CNTNAP2: variants seen among roughly 807,000 people sequenced by gnomAD.
CNTNAP2 encodes the protein contactin-associated protein-like 2.
In CNTNAP2, 98 loss-of-function variants were observed where a neutral mutation model predicts 155.2. The observed-to-expected ratio is 0.63, with a 90% CI of 0.54 to 0.75. The LOEUF is 0.75. CNTNAP2 is among the 30% of genes least tolerant of loss of function. The probability of loss-of-function intolerance (pLI) is 0.00; values close to 1 mark genes in which losing one functional copy is unlikely to be tolerated. For synonymous variants in CNTNAP2, 651 were observed against 631.2 expected, an observed-to-expected ratio of 1.03 and a Z score of -0.47; for missense variants, 1,727 against 1,688.1, an observed-to-expected ratio of 1.02 and a Z score of -0.40.
chr7:147,833,037 A>G (rs1182382073), intron 13 of CNTNAP2, among the ~76,000 whole-genome samples: 1 of 151,058 alleles, frequency 6.6e-6, no homozygotes, highest in Non-Finnish European at 1.5e-5. Context: ...AAAATTTATA[A>G]TCAAGCTGAA....
chr7:147,298,151 A>C (rs1201897434), intron 8 of CNTNAP2, among the ~76,000 whole-genome samples: 1 of 152,144 alleles, frequency 6.6e-6, no homozygotes, highest in African/African-American at 2.4e-5. Context: ...CTCAGTGGCC[A>C]GGCGCAGTGG....
At chr7:147,551,439 G>T (rs538506549) in intron 11 of CNTNAP2, among the ~76,000 whole-genome samples, 2 of 152,032 alleles carry the variant, frequency 1.3e-5, no homozygotes, top group African/African-American at 4.8e-5. Context: ...CTACTGAAGG[G>T]GCTTACTTTG....
chr7:148,332,517 A>G (rs1009678111), intron 21 of CNTNAP2, among the ~76,000 whole-genome samples: 3 of 152,332 alleles, frequency 2.0e-5, no homozygotes, highest in Middle Eastern at 3.4e-3. Context: ...ATCTTGACCC[A>G]GAGCGTGGCC....
At chr7:147,103,961 G>A (rs1199757685) in intron 4 of CNTNAP2, among the ~76,000 whole-genome samples, 1 of 152,000 alleles carries the variant, frequency 6.6e-6, no homozygotes, top group Admixed American at 6.6e-5. Context: ...GAAGTGACTA[G>A]GGAGGCATCA....
At chr7:147,399,680 T>C (rs1225853438) in intron 10 of CNTNAP2, among the ~76,000 whole-genome samples, 2 of 152,164 alleles carry the variant, frequency 1.3e-5, no homozygotes, top group African/African-American at 4.8e-5. Flanking sequence ...TAAGTAGAAA[T>C]GTCAGGAAGA....
chr7:147,101,646 G>A (rs746960899), intron 4 of CNTNAP2, among the ~76,000 whole-genome samples: 3 of 152,136 alleles, frequency 2.0e-5, no homozygotes, highest in African/African-American at 7.2e-5. Flanking sequence ...CAGCGGGATG[G>A]ATGGGGAGCT....
intron 15 of CNTNAP2, among the ~76,000 whole-genome samples, chr7:148,033,988 G>A (rs891420287): frequency 1.3e-5 from 2 of 151,988 alleles, no homozygotes; most frequent in South Asian, 2.1e-4. Flanking sequence ...GACAGAGGCA[G>A]GAAAAAGAAA....
At chr7:146,582,997 C>A (rs1317461188) in intron 1 of CNTNAP2, among the ~76,000 whole-genome samples, 1 of 151,300 alleles carries the variant, frequency 6.6e-6, no homozygotes, top group Admixed American at 6.6e-5. Flanking sequence ...AACACTATGG[C>A]ATTTTGTTCC....
At chr7:146,823,327 T>G (rs191488034) in intron 2 of CNTNAP2, among the ~76,000 whole-genome samples, 1 of 147,740 alleles carries the variant, frequency 6.8e-6, no homozygotes, top group African/African-American at 2.5e-5. Context: ...ATACTCATTC[T>G]TCAGTATATT....
intron 13 of CNTNAP2, among the ~76,000 whole-genome samples, chr7:147,779,924 A>T (rs942202305): frequency 6.6e-6 from 1 of 152,188 alleles, no homozygotes; most frequent in Non-Finnish European, 1.5e-5. Flanking sequence ...CCTTTTAACA[A>T]ATACATAGCT....
intron 1 of CNTNAP2, among the ~76,000 whole-genome samples, chr7:146,731,371 TTATTA>T (rs1801522982): frequency 6.6e-6 from 1 of 151,630 alleles, no homozygotes; most frequent in Non-Finnish European, 1.5e-5. Context: ...TATTTATTAT[TTATTA>T]TTTTATTTTT....
chr7:146,441,301 T>A (rs1796317438), intron 1 of CNTNAP2, among the ~76,000 whole-genome samples: 1 of 151,402 alleles, frequency 6.6e-6, no homozygotes, highest in Non-Finnish European at 1.5e-5. Flanking sequence ...AAAATAAAAT[T>A]TTTTGGGGGG....
At chr7:147,377,508 C>G (rs1448924779) in intron 9 of CNTNAP2, among the ~76,000 whole-genome samples, 4 of 151,850 alleles carry the variant, frequency 2.6e-5, no homozygotes, top group African/African-American at 9.7e-5. Context: ...TTGTATTTCT[C>G]TCTTTTCTGG....
At chr7:146,664,585 A>G (rs1249165958) in intron 1 of CNTNAP2, among the ~76,000 whole-genome samples, 1 of 152,220 alleles carries the variant, frequency 6.6e-6, no homozygotes, top group Non-Finnish European at 1.5e-5. Flanking sequence ...ATTCATATTC[A>G]TGAAATATAT....
chr7:146,882,097 G>A (rs1795563792), intron 3 of CNTNAP2, among the ~76,000 whole-genome samples: 1 of 151,914 alleles, frequency 6.6e-6, no homozygotes, highest in Non-Finnish European at 1.5e-5. Flanking sequence ...AATTAGCTTA[G>A]GATAATGGCT....
At position 147,915,690 on chromosome 7, in the gene CNTNAP2, C is replaced by T. The variant is rs550765659; in HGVS notation, c.2255+11969C>T. On this transcript the variant is annotated intron_variant, in intron 14 of 23. Transcript: ENST00000361727. The stretch of plus-strand genomic sequence containing the variant: ...AAGTTAAGCTTTGTTCATTTTCATT[C>T]AGTTAAGCTTTGTTTAAAAAAAAAA... Among the ~76,000 whole-genome samples, 120 of 137,876 alleles carry T rather than the reference C, an allele frequency of 8.7e-4. 1 individual carries two copies. The highest frequency in any genetic ancestry group is 3.1e-3 in the African/African-American group (110 of 35,690). The allele number at this position is 137,876 out of a possible 152,430, so 90.5% of individuals were successfully genotyped here. A position where few individuals can be genotyped will look rare whatever the true frequency, so the allele number is the denominator to read the frequency against.
At chr7:148,350,585 G>A (rs924455222) in intron 21 of CNTNAP2, among the ~76,000 whole-genome samples, 3 of 152,206 alleles carry the variant, frequency 2.0e-5, no homozygotes, top group Non-Finnish European at 4.4e-5. Flanking sequence ...ACCACAAAGT[G>A]CACTTCAGTT....
intron 3 of CNTNAP2, among the ~76,000 whole-genome samples, chr7:146,978,061 G>A (rs1370878477): frequency 6.6e-6 from 1 of 152,154 alleles, no homozygotes; most frequent in Non-Finnish European, 1.5e-5. Context: ...TCTTCCTGTA[G>A]AATGATACCC....
At chr7:148,248,388 G>A (rs535050308) in intron 20 of CNTNAP2, among the ~76,000 whole-genome samples, 2 of 152,170 alleles carry the variant, frequency 1.3e-5, no homozygotes, top group East Asian at 3.9e-4. Flanking sequence ...TAGTAGAGAT[G>A]AGGTTTCACT....
Sources: allele counts gnomAD v4.1 joint callset (sites outside exome capture counted in the v4.1 genomes callset), GRCh38; gene constraint gnomAD v4.1.1; transcripts MANE v1.5; gene names NCBI Gene and HGNC (gene_info 2026-07-23, HGNC 2026-07-21).